The following LPP variants were observed in gnomAD, a reference collection of about 807,000 sequenced individuals.
LPP encodes the protein lipoma-preferred partner.
LPP carries 38 observed loss-of-function variants against 60.4 expected under a neutral mutation model. The ratio of observed to expected loss-of-function variants is 0.63; its 90% CI spans 0.49 to 0.83. The LOEUF (loss-of-function observed/expected upper bound fraction) is 0.83, where lower values mean the gene tolerates loss of function less well. Among genes scored for constraint, LPP ranks in the 40% least tolerant of loss-of-function variants. The pLI is 0.00. For synonymous variants in LPP, 328 were observed against 290.8 expected, an observed-to-expected ratio of 1.13 and a Z score of -1.30; for missense variants, 902 against 783.6, an observed-to-expected ratio of 1.15 and a Z score of -1.80.
At chr3:188,390,781 A>G (rs2148677981) in intron 3 of LPP, among the ~76,000 whole-genome samples, 1 of 152,216 alleles carries the variant, frequency 6.6e-6, no homozygotes, top group East Asian at 1.9e-4. Context: ...TGAGTACTTT[A>G]AGAGAAACCA....
intron 5 of LPP, among the ~76,000 whole-genome samples, chr3:188,515,963 T>C (rs1434742009): frequency 6.6e-6 from 1 of 152,250 alleles, no homozygotes; most frequent in Non-Finnish European, 1.5e-5. Context: ...AGGTTGGGTA[T>C]CATGGCTTTT....
intron 9 of LPP, among the ~76,000 whole-genome samples, chr3:188,827,707 G>A (rs1423387679): frequency 6.6e-6 from 1 of 152,044 alleles, no homozygotes; most frequent in Non-Finnish European, 1.5e-5. Context: ...GCAGGGGTAG[G>A]GGGAAGATTC....
At chr3:188,165,355 G>T (rs1202388084) in intron 1 of LPP, among the ~76,000 whole-genome samples, 1 of 152,118 alleles carries the variant, frequency 6.6e-6, no homozygotes, top group Non-Finnish European at 1.5e-5. Flanking sequence ...TAAAGAGATT[G>T]TCATTTGATT....
At chr3:188,390,764 A>G (rs758062204) in intron 3 of LPP, among the ~76,000 whole-genome samples, 3 of 152,152 alleles carry the variant, frequency 2.0e-5, no homozygotes, top group South Asian at 2.1e-4. Context: ...TACTATACCT[A>G]TTGGTCTGAG....
chr3:188,365,707 T>G (rs1770936547), intron 3 of LPP, among the ~76,000 whole-genome samples: 1 of 151,368 alleles, frequency 6.6e-6, no homozygotes, highest in Admixed American at 6.6e-5. Context: ...TTTTTTACTC[T>G]GTTGAATGTT....
intron 2 of LPP, chr3:188,240,171 T>C (rs1577473819): frequency 1.6e-5 from 3 of 184,394 alleles, no homozygotes; most frequent in Admixed American, 6.2e-5. Flanking sequence ...AGGTGGGGTT[T>C]ATGTGTAAAT....
intron 8 of LPP, among the ~76,000 whole-genome samples, chr3:188,746,943 T>C (rs1726416550): frequency 6.6e-6 from 1 of 152,194 alleles, no homozygotes; most frequent in Non-Finnish European, 1.5e-5. Flanking sequence ...TGGATTTTCC[T>C]TACCCTCAAT....
At chr3:188,508,499 T>G (rs1332619836) in intron 5 of LPP, among the ~76,000 whole-genome samples, 4 of 152,228 alleles carry the variant, frequency 2.6e-5, no homozygotes, top group African/African-American at 9.7e-5. Context: ...TGGATATTGC[T>G]GTATTGTTGT....
chr3:188,687,549 G>C (rs1367430512), intron 7 of LPP, among the ~76,000 whole-genome samples: 1 of 152,116 alleles, frequency 6.6e-6, no homozygotes, highest in Non-Finnish European at 1.5e-5. Context: ...GAAGGTGCCT[G>C]CTTCCCCTTC....
At chr3:188,666,767 G>C (rs1025319283) in intron 7 of LPP, among the ~76,000 whole-genome samples, 1 of 152,098 alleles carries the variant, frequency 6.6e-6, no homozygotes, top group African/African-American at 2.4e-5. Context: ...CCTGCCCTCT[G>C]GGTGCTTACA....
chr3:188,288,708 T>C (rs1744866625), intron 2 of LPP, among the ~76,000 whole-genome samples: 1 of 152,176 alleles, frequency 6.6e-6, no homozygotes, highest in Non-Finnish European at 1.5e-5. Context: ...TTATGTACTC[T>C]TGCATTTGTT....
At chr3:188,510,376 G>A (rs1027482541) in intron 5 of LPP, among the ~76,000 whole-genome samples, 1 of 152,142 alleles carries the variant, frequency 6.6e-6, no homozygotes, top group African/African-American at 2.4e-5. Context: ...TCTGATTAAG[G>A]TGAAATCAGT....
intron 2 of LPP, among the ~76,000 whole-genome samples, chr3:188,287,434 A>G (rs1031009387): frequency 6.6e-6 from 1 of 152,246 alleles, no homozygotes; most frequent in Non-Finnish European, 1.5e-5. Context: ...ACTAAAAGCC[A>G]GCTCTTTGGA....
chr3:188,439,025 CTTAGTATAGGATTAA>C (rs1286726099), intron 4 of LPP, among the ~76,000 whole-genome samples: 2 of 152,118 alleles, frequency 1.3e-5, no homozygotes, highest in Non-Finnish European at 2.9e-5. Flanking sequence ...AGAGCAAAAT[CTTAGTATAGGATTAA>C]AGAACTCTGC....
chr3:188,442,749 G>A (rs1794311283), intron 4 of LPP, among the ~76,000 whole-genome samples: 1 of 152,160 alleles, frequency 6.6e-6, no homozygotes, highest in Non-Finnish European at 1.5e-5. Context: ...TAAGAATCAA[G>A]CTCTGTTTAT....
In LPP at chr3:188,829,768, C is replaced by T. The variant is rs144238144; in HGVS notation, c.1411-36432C>T. On this transcript the variant is annotated intron_variant, in intron 9 of 11. Transcript: ENST00000617246. ...GACCTGAGTCCTCACCCCAGCTTGG[C>T]TACTTACTCACCATGTGACCCTGAA... 3.7e-3 allele frequency among the ~76,000 whole-genome samples: 570 copies of T among 152,268 alleles called. 1 individual carries two copies. The highest frequency in any genetic ancestry group is 0.013 in the African/African-American group (544 of 41,548).
At chr3:188,567,510 A>T (rs1832480990) in intron 6 of LPP, among the ~76,000 whole-genome samples, 1 of 151,900 alleles carries the variant, frequency 6.6e-6, no homozygotes. Context: ...AAAAAGATGC[A>T]GTTTATAGTC....
chr3:188,528,136 A>C lies in LPP; in HGVS notation c.429+3349A>C, dbSNP rs955106625. ...TGTGAGCATAGAGTATCAGAGCTTTAGTGGGCCTTCCAGGTCATTTAGCCA... is the reference window on the plus strand; with the variant it reads ...TGTGAGCATAGAGTATCAGAGCTTTCGTGGGCCTTCCAGGTCATTTAGCCA... On this transcript the variant is annotated intron_variant, in intron 6 of 11. Transcript: ENST00000617246. 2.0e-5 allele frequency among the ~76,000 whole-genome samples: 3 copies of C among 152,142 alleles called. No individual in the cohort carries two copies. The South Asian group carries it at 6.2e-4, about 32-fold the overall frequency.
At chr3:188,395,329 C>T (rs536729817) in intron 3 of LPP, among the ~76,000 whole-genome samples, 7 of 152,260 alleles carry the variant, frequency 4.6e-5, no homozygotes, top group African/African-American at 1.4e-4. Flanking sequence ...AGTGATCCTT[C>T]CACCTCAGCC....
Sources: gnomAD v4.1 joint callset for allele counts (sites outside exome capture counted in the v4.1 genomes callset) on GRCh38, gnomAD v4.1.1 for gene constraint, MANE v1.5 for transcripts, NCBI Gene and HGNC (gene_info 2026-07-23, HGNC 2026-07-21) for gene names.